The following SEMA4F variants were observed in gnomAD, a reference collection of about 807,000 sequenced individuals.
SEMA4F encodes the protein ssemaphorin 4F, also known as semaphorin-4F.
SEMA4F carries 51 observed loss-of-function variants against 78.4 expected under a neutral mutation model. The ratio of observed to expected loss-of-function variants is 0.65; its 90% confidence interval spans 0.52 to 0.82. The LOEUF (loss-of-function observed/expected upper bound fraction) is 0.82, where lower values mean the gene tolerates loss of function less well. Ranked by LOEUF, SEMA4F falls within the 40% of genes least tolerant of loss-of-function variation. The pLI is 0.00. For missense variants in SEMA4F, 938 were observed against 1,014.4 expected, an observed-to-expected ratio of 0.92 and a Z score of 1.02; for synonymous variants, 418 against 408.7, an observed-to-expected ratio of 1.02 and a Z score of -0.27.
chr2:74,675,358 A>T lies in SEMA4F; in HGVS notation c.1346A>T (p.Glu449Val), dbSNP rs758664613. 10 of 1,613,828 alleles carry T rather than the reference A, an allele frequency of 6.2e-6. No individual in the cohort carries two copies. The East Asian group carries it at 1.6e-4, about 25-fold the overall frequency. Residue 449 changes from glutamate to valine, a missense_variant, in exon 10 of 14, where the codon GAG (glutamate) becomes GTG (valine). Coordinates refer to ENST00000357877, the MANE Select transcript of SEMA4F (RefSeq NM_004263.5). ...AHRVTSLSGK[E>V]YDVLYLGTED... ...AGGGTGACCAGCCTCTCAGGGAAAG[A>T]GTATGATGTGCTCTACCTGGGGACA... is the stretch of plus-strand genomic sequence containing the variant.
At position 74,681,556 on chromosome 2, in the gene SEMA4F, C is replaced by T. The variant is rs1037713747; in HGVS notation, c.*1347C>T. 1 of 152,696 alleles carries T rather than the reference C, an allele frequency of 6.5e-6. No homozygotes were observed. Among genetic ancestry groups the T allele is most frequent in the African/African-American group, 2.4e-5 (1 of 41,450 alleles). The allele number at this position is 152,696 out of a possible 1,614,324, so 9.5% of individuals were successfully genotyped here. A position where few individuals can be genotyped will look rare whatever the true frequency, so the allele number is the denominator to read the frequency against. Reference sequence around the variant, plus strand: ...AAGACTGTTGTGGCCTCTCAGTTCTCTTTGAGTCTGACTGACTGTGGCCAG... The same window carrying T: ...AAGACTGTTGTGGCCTCTCAGTTCTTTTTGAGTCTGACTGACTGTGGCCAG... On this transcript the variant is annotated 3_prime_UTR_variant, in exon 14 of 14. Coordinates refer to ENST00000357877, the MANE Select transcript of SEMA4F (RefSeq NM_004263.5).
downstream of SEMA4F, among the ~76,000 whole-genome samples, chr2:74,688,843 A>G (rs561092546): frequency 2.4e-4 from 36 of 152,336 alleles, no homozygotes; most frequent in South Asian, 1.7e-3. Context: ...TCTATAGCTA[A>G]TTTATCACCC....
chr2:74,672,858 C>T (rs1330467936), intron 5 of SEMA4F, among the ~76,000 whole-genome samples: 4 of 152,148 alleles, frequency 2.6e-5, no homozygotes, highest in African/African-American at 7.2e-5. Context: ...CACCTGCATC[C>T]GATTACTCTG....
chr2:74,686,141 C>G (rs1685818589), downstream of SEMA4F, among the ~76,000 whole-genome samples: 1 of 151,746 alleles, frequency 6.6e-6, no homozygotes, highest in Admixed American at 6.6e-5. Context: ...GCTGTGTCAC[C>G]CAGGCAGGAG....
chr2:74,675,970 C>A, intron 12 of SEMA4F, 61 bp downstream of exon 12: 1 of 1,523,732 alleles, frequency 6.6e-7, no homozygotes, highest in Non-Finnish European at 8.8e-7. Flanking sequence ...ATCCATATGT[C>A]TACGTTTCTC....
the SEMA4F span, among the ~76,000 whole-genome samples, chr2:74,701,757 T>C: frequency 6.6e-6 from 1 of 152,210 alleles, no homozygotes. Context: ...GAAATCTTTG[T>C]CACTTGTTTC....
At chr2:74,706,267 C>T in the SEMA4F span, among the ~76,000 whole-genome samples, 1 of 152,202 alleles carries the variant, frequency 6.6e-6, no homozygotes, top group Middle Eastern at 3.4e-3. Flanking sequence ...TAAGATTGTA[C>T]ATTCAGTGGG....
the SEMA4F span, among the ~76,000 whole-genome samples, chr2:74,707,915 A>G: frequency 6.6e-6 from 1 of 152,182 alleles, no homozygotes; most frequent in Non-Finnish European, 1.5e-5. Flanking sequence ...GATCGGTTCA[A>G]CTAAGTACCA....
At chr2:74,664,967 G>A (rs907195077) in intron 5 of SEMA4F, among the ~76,000 whole-genome samples, 7 of 151,884 alleles carry the variant, frequency 4.6e-5, no homozygotes, top group African/African-American at 1.2e-4. Context: ...TTGATGAATC[G>A]CATGAGGGGG....
chr2:74,704,142 G>A, the SEMA4F span, among the ~76,000 whole-genome samples: 1 of 151,916 alleles, frequency 6.6e-6, no homozygotes, highest in Non-Finnish European at 1.5e-5. Context: ...AGCTTGGTGA[G>A]GTAGGTGCTA....
Position 74,674,828 on chromosome 2 carries a change from G to A in SEMA4F, c.1002-60G>A, listed in dbSNP as rs868233353. ...TCTCGGGGGTCATCTCATTTGACAA[G>A]GGATGAGTTGCTATCCCCCAGACCC... On this transcript the variant is annotated intron_variant, in intron 8 of 13. Coordinates refer to ENST00000357877, the MANE Select transcript of SEMA4F (RefSeq NM_004263.5). 3.2e-6 allele frequency: 5 copies of A among 1,582,240 alleles called. No homozygotes were observed. In the Middle Eastern group the frequency reaches 7.4e-4, roughly 234 times the overall value.
downstream of SEMA4F, among the ~76,000 whole-genome samples, chr2:74,686,421 G>A (rs916208696): frequency 6.6e-6 from 1 of 152,296 alleles, no homozygotes; most frequent in Non-Finnish European, 1.5e-5. Flanking sequence ...CACTTTTACA[G>A]TGTTAGTGGT....
the SEMA4F span, among the ~76,000 whole-genome samples, chr2:74,705,514 C>A: frequency 6.6e-6 from 1 of 152,202 alleles, no homozygotes. Flanking sequence ...CATATATTAT[C>A]ATATAAAAAG....
chr2:74,675,458 A>T (rs550679977), intron 10 of SEMA4F, 67 bp from the exon 11 acceptor site: 2 of 1,592,668 alleles, frequency 1.3e-6, no homozygotes, highest in African/African-American at 2.7e-5. Context: ...ACTGTAATAC[A>T]TATAGGTCTG....
Position 74,662,765 on chromosome 2 carries a change from G to C in SEMA4F, c.490G>C (p.Glu164Gln). Reference protein sequence around the residue: ...VSRFQQVERLESGRGKCPFEP... With the variant: ...VSRFQQVERLQSGRGKCPFEP... ...CAGGTTCCAGCAGGTTGAAAGACTT[G>C]AGAGTGGCCGGGGGAAATGTCCTTT... The change falls in exon 5 of 14, where the codon GAG (glutamate) becomes CAG (glutamine). Residue 164 changes from glutamate (E) to glutamine (Q), a missense_variant. Coordinates refer to ENST00000357877, the MANE Select transcript of SEMA4F (RefSeq NM_004263.5). 1 of 1,614,178 alleles carries C rather than the reference G, an allele frequency of 6.2e-7. No homozygotes were observed. The highest frequency in any genetic ancestry group is 8.5e-7 in the Non-Finnish European group (1 of 1,180,006).
intron 8 of SEMA4F, 83 bp from the exon 9 acceptor site, chr2:74,674,805 T>G: frequency 6.4e-7 from 1 of 1,561,804 alleles, no homozygotes; most frequent in Non-Finnish European, 8.7e-7. Flanking sequence ...TGTGCGTTTC[T>G]CGGGGGTCAT....
the SEMA4F span, among the ~76,000 whole-genome samples, chr2:74,699,666 A>T: frequency 6.6e-6 from 1 of 152,218 alleles, no homozygotes; most frequent in Non-Finnish European, 1.5e-5. Context: ...GTTCAAGGGT[A>T]GGTGGAGGAA....
intron 5 of SEMA4F, among the ~76,000 whole-genome samples, chr2:74,664,277 A>G (rs907964197): frequency 6.6e-6 from 1 of 152,240 alleles, no homozygotes; most frequent in Admixed American, 6.5e-5. Flanking sequence ...TTTATATCAC[A>G]GGCATTTCTA....
rs1685610848 is a variant in SEMA4F at position 74,681,448 on chromosome 2, T to C, written c.*1239T>C. 6.6e-6 allele frequency: 1 copy of C among 152,664 alleles called. No individual in the cohort carries two copies. Among genetic ancestry groups the C allele is most frequent in the Non-Finnish European group, 1.5e-5 (1 of 68,062 alleles). The allele number at this position is 152,664 out of a possible 1,614,324, so 9.5% of individuals were successfully genotyped here. ...TAGGATGGCATCACTCTGTGGCAGC[T>C]CTCCCTGGACTTGCCCTGCCTGGAA... is the stretch of plus-strand genomic sequence containing the variant. On this transcript the variant is annotated 3_prime_UTR_variant, in exon 14 of 14. Coordinates refer to ENST00000357877, the MANE Select transcript of SEMA4F (RefSeq NM_004263.5).
Sources: allele counts gnomAD v4.1 joint callset (sites outside exome capture counted in the v4.1 genomes callset), GRCh38; gene constraint gnomAD v4.1.1; transcripts MANE v1.5; gene names NCBI Gene and HGNC (gene_info 2026-07-23, HGNC 2026-07-21).